The following HMMR variants were observed in gnomAD, a reference collection of about 807,000 sequenced individuals.
The protein encoded by HMMR is hyaluronan mediated motility receptor, also known as intracellular hyaluronic acid-binding protein.
HMMR carries 108 observed loss-of-function variants against 101.0 expected under a neutral mutation model. That is an observed-to-expected ratio of 1.07 (90% CI 0.92 to 1.25). The LOEUF (loss-of-function observed/expected upper bound fraction) is 1.25, where lower values mean the gene tolerates loss of function less well. Among genes scored for constraint, HMMR ranks in the 50% most tolerant of loss-of-function variants. The probability of loss-of-function intolerance (pLI) is 0.00; values close to 1 mark genes in which losing one functional copy is unlikely to be tolerated. For synonymous variants in HMMR, 296 were observed against 276.4 expected, an observed-to-expected ratio of 1.07 and a Z score of -0.70; for missense variants, 813 against 788.7, an observed-to-expected ratio of 1.03 and a Z score of -0.37.
intron 16 of HMMR, among the ~76,000 whole-genome samples, chr5:163,488,184 T>C (rs2113522620): frequency 6.6e-6 from 1 of 152,238 alleles, no homozygotes; most frequent in East Asian, 1.9e-4. Flanking sequence ...ATTTCATCTT[T>C]TATTTTAGAT....
In HMMR at chr5:163,466,438, C is replaced by T. The variant is rs1391046209; in HGVS notation, c.226-1263C>T. ...TGTATGGAAGCATAGCCACATGTGT[C>T]TATTGAGCAACTGAAATGTGGCTAG... On this transcript the variant is annotated intron_variant, in intron 3 of 17. Coordinates refer to ENST00000393915, the MANE Select transcript of HMMR (RefSeq NM_001142556.2). Among the ~76,000 whole-genome samples, 7 of 152,100 alleles carry T rather than the reference C, an allele frequency of 4.6e-5. No homozygotes were observed. In the East Asian group the frequency reaches 1.3e-3, roughly 29 times the overall value.
intron 16 of HMMR, among the ~76,000 whole-genome samples, chr5:163,488,532 A>T (rs899187254): frequency 6.6e-6 from 1 of 152,048 alleles, no homozygotes; most frequent in African/African-American, 2.4e-5. Flanking sequence ...TGGCTCAATT[A>T]TTTTAGGGAA....
chr5:163,474,614 T>C (rs1759009663), intron 10 of HMMR: 1 of 455,532 alleles, frequency 2.2e-6, no homozygotes, highest in Non-Finnish European at 4.4e-6. Flanking sequence ...TGAAAAATTA[T>C]GGGCATAGGA....
chr5:163,466,987 A>C (rs1367975908), intron 3 of HMMR, among the ~76,000 whole-genome samples: 1 of 152,200 alleles, frequency 6.6e-6, no homozygotes, highest in Non-Finnish European at 1.5e-5. Context: ...ATTACATACA[A>C]GTTTGTATGG....
chr5:163,483,424 C>A (rs767390032), intron 15 of HMMR, 57 bp downstream of exon 15: 4 of 954,694 alleles, frequency 4.2e-6, no homozygotes, highest in Non-Finnish European at 6.6e-6. Flanking sequence ...ACTTTGTTCC[C>A]TATTATAGTG....
chr5:163,469,921 ATTTTGGG>A (rs1226758731), intron 5 of HMMR, 92 bp downstream of exon 5: 8 of 835,018 alleles, frequency 9.6e-6, no homozygotes, highest in Non-Finnish European at 1.5e-5. Context: ...TGTTCCCAGC[ATTTTGGG>A]AGGCCAAGGC....
chr5:163,460,747 G>A lies in HMMR; in HGVS notation c.46+9G>A, dbSNP rs915143331. 3.7e-6 allele frequency: 6 copies of A among 1,605,644 alleles called. No individual in the cohort carries two copies. The African/African-American group carries it at 6.7e-5, about 18-fold the overall frequency. ...ATTCAATGACCCTTCTGGTGCGTAAGGGGGAAAGAGCTGGGGGACGGGAGA... is the reference window on the plus strand; with the variant it reads ...ATTCAATGACCCTTCTGGTGCGTAAAGGGGAAAGAGCTGGGGGACGGGAGA... On this transcript the variant is annotated intron_variant, in intron 1 of 17. Coordinates refer to ENST00000393915, the MANE Select transcript of HMMR (RefSeq NM_001142556.2).
chr5:163,481,563 T>C (rs1238135158), intron 12 of HMMR, among the ~76,000 whole-genome samples: 1 of 152,190 alleles, frequency 6.6e-6, no homozygotes, highest in Non-Finnish European at 1.5e-5. Context: ...AAACCAACTC[T>C]TGATCCTTCC....
chr5:163,474,122 CAG>C lies in HMMR; in HGVS notation c.972_973del (p.Lys325ValfsTer4). ...AAATGCAGAGATGCAAAACTTAAAA[CAG>C]AAGTTTATTCTTGAACAACAGGAAC... ...NLNAEMQNLK[Q>X]KFILEQQERE... On this transcript the variant is annotated frameshift_variant, in exon 10 of 18. Transcript: ENST00000393915. LOFTEE classifies it high-confidence loss of function. 1.2e-6 allele frequency: 2 copies of C among 1,610,790 alleles called. No homozygotes were observed. Among genetic ancestry groups the C allele is most frequent in the Non-Finnish European group, 1.7e-6 (2 of 1,177,766 alleles).
intron 7 of HMMR, among the ~76,000 whole-genome samples, chr5:163,471,879 A>G (rs1196801170): frequency 1.3e-5 from 2 of 152,092 alleles, no homozygotes; most frequent in Non-Finnish European, 2.9e-5. Flanking sequence ...GTATACACCT[A>G]CGTAACCACT....
Position 163,491,119 on chromosome 5 carries a change from A to C in HMMR, c.2133A>C (p.Thr711=), listed in dbSNP as rs1759680122. The C allele has an allele frequency of 6.4e-7, 1 of 1,561,664 alleles. No homozygotes were observed. Among genetic ancestry groups the C allele is most frequent in the African/African-American group, 1.4e-5 (1 of 72,588 alleles). Residue 711 remains threonine (T), a synonymous_variant, in exon 18 of 18, where the codon ACA becomes ACC. Transcript: ENST00000393915. ...TTTCAATAATTCTTCTAGGCAATAC[A>C]AACTGTTACCGAGCTCCTATGGAGT... is the stretch of plus-strand genomic sequence containing the variant. The part of the protein sequence containing the change: ...ALKTPLKEGN[T]NCYRAPMECQ...
At chr5:163,480,671 G>A (rs1255630048) in intron 12 of HMMR, among the ~76,000 whole-genome samples, 1 of 152,048 alleles carries the variant, frequency 6.6e-6, no homozygotes, top group Non-Finnish European at 1.5e-5. Context: ...TATCTTCTTT[G>A]CCAAAGCTTG....
intron 11 of HMMR, among the ~76,000 whole-genome samples, chr5:163,478,415 GGTTTTATA>G (rs1759139849): frequency 6.6e-6 from 1 of 152,014 alleles, no homozygotes; most frequent in African/African-American, 2.4e-5. Context: ...CTTAAGATTT[GGTTTTATA>G]GTCTTTTATA....
intron 6 of HMMR, 24 bp from the exon 7 acceptor site, chr5:163,471,338 TA>T (rs1225081046): frequency 6.2e-7 from 1 of 1,611,766 alleles, no homozygotes; most frequent in Non-Finnish European, 8.5e-7. Context: ...TCTCATTTCC[TA>T]AAACAGGTAT....
At chr5:163,484,039 T>G in intron 15 of HMMR, 30 bp from the exon 16 acceptor site, 1 of 1,378,160 alleles carries the variant, frequency 7.3e-7, no homozygotes, top group Non-Finnish European at 1.0e-6. Flanking sequence ...CTGTTTTAAG[T>G]CTTAACTTTA....
intron 16 of HMMR, among the ~76,000 whole-genome samples, chr5:163,490,056 T>C (rs1759632245): frequency 6.6e-6 from 1 of 152,246 alleles, no homozygotes; most frequent in African/African-American, 2.4e-5. Context: ...TAATATTTTA[T>C]AACTTTTAGT....
intron 12 of HMMR, 63 bp from the exon 13 acceptor site, chr5:163,482,570 TAAACTAATC>T: frequency 9.1e-7 from 1 of 1,094,192 alleles, no homozygotes; most frequent in Non-Finnish European, 1.4e-6. Context: ...ATATAAAGTG[TAAACTAATC>T]AGTTATGATT....
intron 16 of HMMR, among the ~76,000 whole-genome samples, chr5:163,486,544 T>C (rs1413604716): frequency 1.3e-5 from 2 of 152,208 alleles, no homozygotes; most frequent in Non-Finnish European, 2.9e-5. Context: ...GATGTTCTTA[T>C]AGATCATGTC....
At chr5:163,467,824 C>G in intron 4 of HMMR, 76 bp downstream of exon 4, 2 of 951,654 alleles carry the variant, frequency 2.1e-6, no homozygotes, top group South Asian at 1.4e-5. Flanking sequence ...GATAAGGATT[C>G]TGTTGCAGTG....
Sources: allele counts gnomAD v4.1 joint callset (sites outside exome capture counted in the v4.1 genomes callset), GRCh38; gene constraint gnomAD v4.1.1; transcripts MANE v1.5; gene names NCBI Gene and HGNC (gene_info 2026-07-23, HGNC 2026-07-21).